TAOK1: variants seen among roughly 807,000 people sequenced by gnomAD.
The protein encoded by TAOK1 is serine/threonine-protein kinase TAO1.
TAOK1 carries 21 observed loss-of-function variants against 138.3 expected under a neutral mutation model. The ratio of observed to expected loss-of-function variants is 0.15; its 90% CI spans 0.11 to 0.22. The LOEUF (loss-of-function observed/expected upper bound fraction) is 0.22. Among genes scored for constraint, TAOK1 ranks in the 10% least tolerant of loss-of-function variants. The pLI is 1.00. For missense variants in TAOK1, 651 were observed against 1,227.7 expected (o/e 0.53, Z 7.02); for synonymous variants, 361 against 398.4 (o/e 0.91, Z 1.12).
intron 11 of TAOK1, 109 bp downstream of exon 11, chr17:29,495,836 T>A: frequency 1.0e-6 from 1 of 969,466 alleles, no homozygotes; most frequent in Non-Finnish European, 1.4e-6. Flanking sequence ...TTCCAGGTTG[T>A]ATTTTCTCAA....
intron 16 of TAOK1, among the ~76,000 whole-genome samples, chr17:29,519,475 C>T (rs530235722): frequency 5.9e-5 from 9 of 151,406 alleles, no homozygotes; most frequent in East Asian, 1.9e-4. Flanking sequence ...GCTGAGATCG[C>T]GCTGCTGCAC....
intron 1 of TAOK1, among the ~76,000 whole-genome samples, chr17:29,442,137 G>A (rs556263803): frequency 1.3e-5 from 2 of 151,588 alleles, no homozygotes; most frequent in Admixed American, 1.3e-4. Context: ...CAACCTCCCT[G>A]GCTCAAGCAA....
rs763550190 is a variant in TAOK1 at position 29,496,118 on chromosome 17, G to A, written c.999+391G>A. 1.7e-3 allele frequency among the ~76,000 whole-genome samples: 258 copies of A among 151,608 alleles called. 1 individual carries two copies. The highest frequency in any genetic ancestry group is 1.1e-3 in the Non-Finnish European group (75 of 67,886). On this transcript the variant is annotated intron_variant, in intron 11 of 19. Transcript: ENST00000261716. Reference sequence around the variant, plus strand: ...ATTTTTTAATTTTTTTGTTTATTTTGAGACGGAGTTTTGCTCTTGTTGCCC... The same window carrying A: ...ATTTTTTAATTTTTTTGTTTATTTTAAGACGGAGTTTTGCTCTTGTTGCCC...
chr17:29,436,580 A>G (rs1326650041), intron 1 of TAOK1, among the ~76,000 whole-genome samples: 1 of 152,252 alleles, frequency 6.6e-6, no homozygotes, highest in Admixed American at 6.5e-5. Flanking sequence ...AAACAAGACA[A>G]CAAACATCTG....
intron 1 of TAOK1, among the ~76,000 whole-genome samples, chr17:29,425,816 A>G (rs536521401): frequency 4.1e-4 from 63 of 152,346 alleles, no homozygotes; most frequent in African/African-American, 1.4e-3. Context: ...TAATTTAAAT[A>G]TTGTAAAATT....
At chr17:29,496,055 G>A (rs570754656) in intron 11 of TAOK1, among the ~76,000 whole-genome samples, 4 of 151,830 alleles carry the variant, frequency 2.6e-5, no homozygotes, top group South Asian at 2.1e-4. Flanking sequence ...TTTAGTCTAG[G>A]CCTTCTCTAA....
At chr17:29,427,027 T>C (rs1419663057) in intron 1 of TAOK1, among the ~76,000 whole-genome samples, 3 of 152,068 alleles carry the variant, frequency 2.0e-5, no homozygotes, top group Non-Finnish European at 4.4e-5. Flanking sequence ...TCAAGTGGAA[T>C]TGGATGAGAA....
At chr17:29,430,269 CT>C (rs1365604403) in intron 1 of TAOK1, among the ~76,000 whole-genome samples, 1 of 152,092 alleles carries the variant, frequency 6.6e-6, no homozygotes, top group Non-Finnish European at 1.5e-5. Flanking sequence ...GGTGTAGAAT[CT>C]TCTTGGGTTC....
intron 1 of TAOK1, among the ~76,000 whole-genome samples, chr17:29,432,125 A>T (rs1350838085): frequency 6.6e-6 from 1 of 152,220 alleles, no homozygotes; most frequent in Non-Finnish European, 1.5e-5. Flanking sequence ...GGGGGCTGAC[A>T]GCCTTCAGAG....
chr17:29,485,296 A>G (rs2031147945), intron 8 of TAOK1, among the ~76,000 whole-genome samples: 1 of 152,226 alleles, frequency 6.6e-6, no homozygotes, highest in Admixed American at 6.5e-5. Flanking sequence ...TTTAGGGTAT[A>G]AAATTATAGA....
At chr17:29,394,894 AG>A (rs1904548286) in intron 1 of TAOK1, among the ~76,000 whole-genome samples, 1 of 152,060 alleles carries the variant, frequency 6.6e-6, no homozygotes, top group Non-Finnish European at 1.5e-5. Flanking sequence ...CAGGAGTTCA[AG>A]AGCAGCCTGG....
intron 11 of TAOK1, among the ~76,000 whole-genome samples, chr17:29,497,652 T>C (rs1368067990): frequency 6.7e-6 from 1 of 149,324 alleles, no homozygotes; most frequent in African/African-American, 2.5e-5. Flanking sequence ...AGGTAGGAAT[T>C]AATGTTAAAT....
At chr17:29,465,222 C>T (rs1049688952) in intron 2 of TAOK1, among the ~76,000 whole-genome samples, 11 of 133,056 alleles carry the variant, frequency 8.3e-5, no homozygotes, top group East Asian at 2.3e-4. Flanking sequence ...GGCATGATCT[C>T]GGCTCACTGC....
intron 1 of TAOK1, among the ~76,000 whole-genome samples, chr17:29,425,849 CA>C (rs1415706044): frequency 2.0e-5 from 3 of 152,126 alleles, no homozygotes. Flanking sequence ...ATGCATTTTA[CA>C]TAAGAATGAA....
At chr17:29,517,746 G>A (rs1004772128) in intron 16 of TAOK1, 90 bp downstream of exon 16, 6 of 1,222,884 alleles carry the variant, frequency 4.9e-6, no homozygotes, top group Non-Finnish European at 6.8e-6. Context: ...CAGGGACTTT[G>A]CACTTATACT....
In TAOK1 at chr17:29,543,117, A is replaced by G. The variant is rs1354639395; in HGVS notation, c.*95A>G. The G allele has an allele frequency of 1.8e-6, 2 of 1,082,472 alleles. No homozygotes were observed. Among genetic ancestry groups the G allele is most frequent in the Non-Finnish European group, 2.6e-6 (2 of 768,988 alleles). The allele number at this position is 1,082,472 out of a possible 1,614,324, so 67.1% of individuals were successfully genotyped here. ...AGCAGCCTCCTCACTTGGGTACTAC[A>G]GTGTGGAAGCTGAGTGCATATGGTA... On this transcript the variant is annotated 3_prime_UTR_variant, in exon 20 of 20. Coordinates refer to ENST00000261716, the MANE Select transcript of TAOK1 (RefSeq NM_020791.4).
intron 1 of TAOK1, among the ~76,000 whole-genome samples, chr17:29,409,622 C>T (rs962480809): frequency 1.6e-4 from 24 of 151,988 alleles, no homozygotes; most frequent in African/African-American, 5.3e-4. Context: ...CGTGAGCCAC[C>T]GCACCCAGCC....
chr17:29,487,828 C>T (rs1156306530), intron 8 of TAOK1, among the ~76,000 whole-genome samples: 1 of 151,930 alleles, frequency 6.6e-6, no homozygotes, highest in African/African-American at 2.4e-5. Context: ...TTCAGAGTAC[C>T]ATCTTACAAA....
At chr17:29,399,617 A>G (rs1904776304) in intron 1 of TAOK1, among the ~76,000 whole-genome samples, 1 of 152,156 alleles carries the variant, frequency 6.6e-6, no homozygotes, top group African/African-American at 2.4e-5. Flanking sequence ...GCCTGGTGAT[A>G]TTGGATTTAT....
Sources: gnomAD v4.1 joint callset for allele counts (sites outside exome capture counted in the v4.1 genomes callset) on GRCh38, gnomAD v4.1.1 for gene constraint, MANE v1.5 for transcripts, NCBI Gene and HGNC (gene_info 2026-07-23, HGNC 2026-07-21) for gene names.